Variants in HCN1 observed in about 807,000 individuals in gnomAD.
The protein encoded by HCN1 is hyperpolarization activated cyclic nucleotide gated potassium channel 1.
In HCN1, 13 loss-of-function variants were observed where a neutral mutation model predicts 78.9. The observed-to-expected ratio is 0.16, with a 90% CI of 0.11 to 0.26. HCN1 has a LOEUF of 0.26. Ranked by LOEUF, HCN1 falls within the 10% of genes least tolerant of loss-of-function variation. The pLI, the probability that HCN1 is intolerant of heterozygous loss-of-function variation, is 1.00. For synonymous variants in HCN1, 552 were observed against 455.5 expected (o/e 1.21, Z -2.70); for missense variants, 810 against 1,154.3 (o/e 0.70, Z 4.32).
At chr5:45,416,070 A>G (rs1740113564) in intron 3 of HCN1, among the ~76,000 whole-genome samples, 1 of 152,028 alleles carries the variant, frequency 6.6e-6, no homozygotes, top group Non-Finnish European at 1.5e-5. Flanking sequence ...AATTAAACAG[A>G]TGCCTTTAGT....
At chr5:45,622,789 G>A (rs554953672) in intron 2 of HCN1, among the ~76,000 whole-genome samples, 4 of 152,052 alleles carry the variant, frequency 2.6e-5, no homozygotes, top group Non-Finnish European at 5.9e-5. Flanking sequence ...AGAGTAAACC[G>A]TTTATTCATG....
At chr5:45,318,418 G>T (rs899383470) in intron 5 of HCN1, among the ~76,000 whole-genome samples, 2 of 152,070 alleles carry the variant, frequency 1.3e-5, no homozygotes, top group Non-Finnish European at 2.9e-5. Flanking sequence ...CTGTCGTGGG[G>T]TGGGGGAGGG....
At chr5:45,695,600 C>G in intron 1 of HCN1, 69 bp downstream of exon 1, 2 of 1,523,602 alleles carry the variant, frequency 1.3e-6, no homozygotes, top group South Asian at 2.3e-5. Flanking sequence ...CGCCCCCCAC[C>G]CAAGGGCGGG....
intron 2 of HCN1, among the ~76,000 whole-genome samples, chr5:45,600,695 T>C (rs1744604486): frequency 6.6e-6 from 1 of 152,116 alleles, no homozygotes; most frequent in South Asian, 2.1e-4. Context: ...ATAGAGATGT[T>C]GAACAAACCC....
chr5:45,343,461 C>A (rs1485559774), intron 5 of HCN1, among the ~76,000 whole-genome samples: 6 of 152,124 alleles, frequency 3.9e-5, no homozygotes, highest in African/African-American at 1.4e-4. Context: ...GGAAAGGAAG[C>A]AAAGGCATGA....
intron 5 of HCN1, among the ~76,000 whole-genome samples, chr5:45,331,837 G>A (rs1370135980): frequency 1.3e-5 from 2 of 151,186 alleles, no homozygotes. Flanking sequence ...CATCAGCACT[G>A]TCACCACCAT....
At chr5:45,321,144 A>C (rs1336160481) in intron 5 of HCN1, among the ~76,000 whole-genome samples, 1 of 151,692 alleles carries the variant, frequency 6.6e-6, no homozygotes, top group Non-Finnish European at 1.5e-5. Context: ...TTGTTTCCTC[A>C]ACGGTATCTC....
chr5:45,440,828 A>C (rs750820213), intron 3 of HCN1, among the ~76,000 whole-genome samples: 9 of 152,188 alleles, frequency 5.9e-5, no homozygotes, highest in Non-Finnish European at 8.8e-5. Flanking sequence ...ATCACAACAT[A>C]GGAAACTCAG....
At chr5:45,443,742 T>C (rs970996273) in intron 3 of HCN1, among the ~76,000 whole-genome samples, 8 of 152,134 alleles carry the variant, frequency 5.3e-5, no homozygotes, top group Non-Finnish European at 5.9e-5. Flanking sequence ...ATTTAATATT[T>C]TTCTCTAATT....
chr5:45,319,268 C>A (rs1373924458), intron 5 of HCN1, among the ~76,000 whole-genome samples: 1 of 151,812 alleles, frequency 6.6e-6, no homozygotes, highest in Non-Finnish European at 1.5e-5. Flanking sequence ...CAGTTGCTGC[C>A]AAAAGTTTTC....
In HCN1 at chr5:45,557,110, T is replaced by A. The variant is rs367686914; in HGVS notation, c.849+88075A>T. On this transcript the variant is annotated intron_variant, in intron 2 of 7. Coordinates refer to ENST00000303230, the MANE Select transcript of HCN1 (RefSeq NM_021072.4). ...CAGGAAAATTCAGTGTCATTTTTGT[T>A]TCAACCACAATTAATGCAGAAATAT... Among the ~76,000 whole-genome samples the A allele has an allele frequency of 6.6e-5, 10 of 152,254 alleles. No individual in the cohort carries two copies. In the South Asian group the frequency reaches 2.1e-3, roughly 32 times the overall value.
At chr5:45,410,561 T>G (rs1740003671) in intron 3 of HCN1, among the ~76,000 whole-genome samples, 1 of 152,096 alleles carries the variant, frequency 6.6e-6, no homozygotes, top group Non-Finnish European at 1.5e-5. Context: ...AGTCATATTC[T>G]TATTTACAGC....
chr5:45,581,369 T>A (rs1264664445), intron 2 of HCN1, among the ~76,000 whole-genome samples: 4 of 152,178 alleles, frequency 2.6e-5, no homozygotes, highest in African/African-American at 9.7e-5. Context: ...ATGGGGTTGT[T>A]TGTTTTTTTC....
Position 45,261,672 on chromosome 5 carries a change from AT to A in HCN1, c.*248del. On this transcript the variant is annotated 3_prime_UTR_variant, in exon 8 of 8. Coordinates refer to ENST00000303230, the MANE Select transcript of HCN1 (RefSeq NM_021072.4). ...TTACAACGACATTTTAAATCCTTTA[AT>A]GATTTAAAGAAAGGAAGACATATAA... 3.2e-6 allele frequency: 1 copy of A among 313,608 alleles called. No homozygotes were observed. The highest frequency in any genetic ancestry group is 5.9e-6 in the Non-Finnish European group (1 of 170,260). The allele number at this position is 313,608 out of a possible 1,614,324, so 19.4% of individuals were successfully genotyped here.
intron 3 of HCN1, among the ~76,000 whole-genome samples, chr5:45,461,071 T>C (rs1230933427): frequency 1.3e-5 from 2 of 151,906 alleles, no homozygotes; most frequent in Non-Finnish European, 2.9e-5. Flanking sequence ...GAAGAAAATA[T>C]GGGAACTTAT....
chr5:45,674,297 T>C (rs1314644623), intron 1 of HCN1, among the ~76,000 whole-genome samples: 1 of 151,486 alleles, frequency 6.6e-6, no homozygotes, highest in Non-Finnish European at 1.5e-5. Context: ...AACTTAGAAG[T>C]CTATATTTTA....
chr5:45,392,612 G>A (rs549365319), intron 4 of HCN1, among the ~76,000 whole-genome samples: 4 of 152,070 alleles, frequency 2.6e-5, no homozygotes, highest in South Asian at 2.1e-4. Context: ...CAAGGTTGGC[G>A]GATTACTTGA....
At chr5:45,344,255 T>C (rs932574858) in intron 5 of HCN1, among the ~76,000 whole-genome samples, 4 of 151,978 alleles carry the variant, frequency 2.6e-5, no homozygotes, top group Non-Finnish European at 5.9e-5. Flanking sequence ...AATTACCTCC[T>C]ACCAGGTACC....
At chr5:45,468,435 C>A (rs1270255028) in intron 2 of HCN1, among the ~76,000 whole-genome samples, 1 of 151,868 alleles carries the variant, frequency 6.6e-6, no homozygotes, top group African/African-American at 2.4e-5. Flanking sequence ...AAAAAGAAAG[C>A]AATTTTAGAC....
Sources: gnomAD v4.1 joint callset for allele counts (sites outside exome capture counted in the v4.1 genomes callset) on GRCh38, gnomAD v4.1.1 for gene constraint, MANE v1.5 for transcripts, NCBI Gene and HGNC (gene_info 2026-07-23, HGNC 2026-07-21) for gene names.